The following MARK1 variants were observed in gnomAD, a reference collection of about 807,000 sequenced individuals.
MARK1 encodes microtubule affinity regulating kinase 1, also known as serine/threonine-protein kinase MARK1.
Under a neutral mutation model 96.3 loss-of-function variants are expected in MARK1, and 40 were observed. That is an observed-to-expected ratio of 0.42 (90% confidence interval 0.32 to 0.54). MARK1 has a LOEUF of 0.54. Among genes scored for constraint, MARK1 ranks in the 20% least tolerant of loss-of-function variants. MARK1 has a pLI of 0.16. For missense variants in MARK1, 719 were observed against 984.6 expected (o/e 0.73, Z 3.61); for synonymous variants, 317 against 341.2 (o/e 0.93, Z 0.78).
chr1:220,598,276 C>T, intron 3 of MARK1, 55 bp from the exon 4 acceptor site: 1 of 512,396 alleles, frequency 2.0e-6, no homozygotes, highest in Non-Finnish European at 3.8e-6. Flanking sequence ...TTAATTGGCT[C>T]TCTGCTTGCT....
intron 16 of MARK1, among the ~76,000 whole-genome samples, chr1:220,655,707 G>A (rs1317094916): frequency 6.6e-6 from 1 of 152,132 alleles, no homozygotes; most frequent in African/African-American, 2.4e-5. Context: ...CCTAGTTTCT[G>A]TCCTTGTCCT....
chr1:220,626,683 A>G (rs1284826679), intron 9 of MARK1, among the ~76,000 whole-genome samples: 1 of 152,066 alleles, frequency 6.6e-6, no homozygotes, highest in Non-Finnish European at 1.5e-5. Context: ...TTAGTCAGAC[A>G]TGGTGGTGCA....
chr1:220,662,201 T>C lies in MARK1; in HGVS notation c.*35T>C. ...AATTTACAGGTTCAGGGAAGATACA[T>C]ACATATATGAGGTACAGTTTTTGAA... On this transcript the variant is annotated 3_prime_UTR_variant, in exon 18 of 18. Transcript: ENST00000366917. 1 of 1,494,096 alleles carries C rather than the reference T, an allele frequency of 6.7e-7. No individual in the cohort carries two copies. Among genetic ancestry groups the C allele is most frequent in the South Asian group, 1.2e-5 (1 of 85,802 alleles). 92.6% of individuals were successfully genotyped at this position (1,494,096 alleles called of 1,614,324 possible). A position where few individuals can be genotyped will look rare whatever the true frequency, so the allele number is the denominator to read the frequency against.
intron 11 of MARK1, among the ~76,000 whole-genome samples, 168 bp downstream of exon 11, chr1:220,632,481 G>A (rs924819507): frequency 2.0e-5 from 3 of 152,080 alleles, no homozygotes; most frequent in Non-Finnish European, 2.9e-5. Context: ...GTATTTCTGG[G>A]TACCAAGAGA....
chr1:220,557,507 C>T (rs1187508820), intron 1 of MARK1, among the ~76,000 whole-genome samples: 1 of 151,480 alleles, frequency 6.6e-6, no homozygotes, highest in East Asian at 2.0e-4. Context: ...TGCAGTGAGC[C>T]AAGATTACAC....
intron 1 of MARK1, among the ~76,000 whole-genome samples, chr1:220,550,735 G>A (rs1488354338): frequency 6.6e-6 from 1 of 152,248 alleles, no homozygotes; most frequent in South Asian, 2.1e-4. Context: ...TTATTCAAAG[G>A]AATTAACTTC....
chr1:220,572,849 A>T (rs1409457614), intron 1 of MARK1, among the ~76,000 whole-genome samples: 1 of 152,168 alleles, frequency 6.6e-6, no homozygotes, highest in Non-Finnish European at 1.5e-5. Context: ...TTGGCAACAA[A>T]TTCTTTCAGT....
At position 220,528,760 on chromosome 1, in the gene MARK1, C is replaced by A; in HGVS notation, c.-63C>A. 6.0e-6 allele frequency: 9 copies of A among 1,492,712 alleles called. No homozygotes were observed. The highest frequency in any genetic ancestry group is 8.2e-6 in the Non-Finnish European group (9 of 1,104,236). The allele number at this position is 1,492,712 out of a possible 1,614,324, so 92.5% of individuals were successfully genotyped here. A position where few individuals can be genotyped will look rare whatever the true frequency, so the allele number is the denominator to read the frequency against. The stretch of plus-strand genomic sequence containing the variant: ...GCGTCCGCACCCCTTTCCTGTCGCC[C>A]CCCGGGGCCCGCACCACAGCCCGGC... On this transcript the variant is annotated 5_prime_UTR_variant, in exon 1 of 18. Coordinates refer to ENST00000366917, the MANE Select transcript of MARK1 (RefSeq NM_018650.5).
intron 1 of MARK1, among the ~76,000 whole-genome samples, chr1:220,530,497 T>C (rs1036878371): frequency 2.0e-5 from 3 of 152,240 alleles, no homozygotes; most frequent in African/African-American, 7.2e-5. Context: ...AGCAAATTAC[T>C]GTATGTGTTA....
chr1:220,632,450 A>T (rs993796400), intron 11 of MARK1, 137 bp downstream of exon 11: 2 of 443,696 alleles, frequency 4.5e-6, no homozygotes. Context: ...AAAAATCAAG[A>T]TGTTAAATTA....
rs906291385 is a variant in MARK1, at chr1:220,663,059, T to C, written c.*893T>C. Reference sequence around the variant, plus strand: ...CGGGAATATAATAATATTGGGACTGTTTCACAGCACAAACTCATCTTTACA... The same window carrying C: ...CGGGAATATAATAATATTGGGACTGCTTCACAGCACAAACTCATCTTTACA... On this transcript the variant is annotated 3_prime_UTR_variant, in exon 18 of 18. Transcript: ENST00000366917. The C allele has an allele frequency of 1.3e-5, 2 of 152,606 alleles. No homozygotes were observed. The highest frequency in any genetic ancestry group is 4.8e-5 in the African/African-American group (2 of 41,436). 9.5% of individuals were successfully genotyped at this position (152,606 alleles called of 1,614,324 possible). A position where few individuals can be genotyped will look rare whatever the true frequency, so the allele number is the denominator to read the frequency against.
chr1:220,627,425 A>T (rs1667409367), intron 9 of MARK1: 1 of 478,002 alleles, frequency 2.1e-6, no homozygotes, highest in Non-Finnish European at 4.3e-6. Flanking sequence ...CAAAGGGGTC[A>T]AGGAGGAGGT....
chr1:220,640,026 T>TTGCTAATCA (rs1430436978), intron 13 of MARK1, among the ~76,000 whole-genome samples: 2 of 152,202 alleles, frequency 1.3e-5, no homozygotes, highest in Non-Finnish European at 2.9e-5. Flanking sequence ...CAGAAAAAGT[T>TTGCTAATCA]TGCTAATCAC....
At chr1:220,575,068 A>G (rs537524590) in intron 1 of MARK1, among the ~76,000 whole-genome samples, 1 of 152,348 alleles carries the variant, frequency 6.6e-6, no homozygotes, top group East Asian at 1.9e-4. Flanking sequence ...ACTTCATTTC[A>G]GTCAGTATTA....
chr1:220,614,330 T>C (rs1392916669), intron 6 of MARK1, among the ~76,000 whole-genome samples: 1 of 152,088 alleles, frequency 6.6e-6, no homozygotes, highest in East Asian at 1.9e-4. Context: ...AGTTCCCTTG[T>C]CATTAATGCA....
At chr1:220,578,255 A>T (rs1664004953) in intron 1 of MARK1, among the ~76,000 whole-genome samples, 1 of 152,256 alleles carries the variant, frequency 6.6e-6, no homozygotes, top group Admixed American at 6.5e-5. Flanking sequence ...AACTGCTAGA[A>T]ATTTTATGTA....
chr1:220,663,891 T>C lies in MARK1; in HGVS notation c.*1725T>C, dbSNP rs1669610481. The C allele has an allele frequency of 6.6e-6, 1 of 152,638 alleles. No individual in the cohort carries two copies. Among genetic ancestry groups the C allele is most frequent in the African/African-American group, 2.4e-5 (1 of 41,464 alleles). 9.5% of individuals were successfully genotyped at this position (152,638 alleles called of 1,614,324 possible). A position where few individuals can be genotyped will look rare whatever the true frequency, so the allele number is the denominator to read the frequency against. ...CACTGGTGCACACTGAAATTTTACT[T>C]GAACAGTTCTCATAATAAAGCACTT... On this transcript the variant is annotated 3_prime_UTR_variant, in exon 18 of 18. Coordinates refer to ENST00000366917, the MANE Select transcript of MARK1 (RefSeq NM_018650.5).
intron 17 of MARK1, among the ~76,000 whole-genome samples, chr1:220,660,054 G>A (rs935773267): frequency 6.6e-5 from 10 of 152,234 alleles, no homozygotes; most frequent in African/African-American, 2.4e-4. Flanking sequence ...CCAAAGTGCT[G>A]AGATTACAGG....
intron 7 of MARK1, among the ~76,000 whole-genome samples, chr1:220,616,541 C>T (rs1666759688): frequency 6.6e-6 from 1 of 152,128 alleles, no homozygotes; most frequent in Admixed American, 6.5e-5. Context: ...ACCTGTTTTT[C>T]CTTTTTTCTC....
Sources: allele counts gnomAD v4.1 joint callset (sites outside exome capture counted in the v4.1 genomes callset), GRCh38; gene constraint gnomAD v4.1.1; transcripts MANE v1.5; gene names NCBI Gene and HGNC (gene_info 2026-07-23, HGNC 2026-07-21).